The following RUVBL1 variants were observed in gnomAD, a reference collection of about 807,000 sequenced individuals.
RUVBL1 encodes the protein ruvB-like 1.
A neutral mutation model predicts 52.4 loss-of-function variants in RUVBL1; 4 were observed. The observed-to-expected ratio is 0.08, with a 90% CI of 0.04 to 0.17. The LOEUF (loss-of-function observed/expected upper bound fraction) is 0.17. RUVBL1 is among the 10% of genes least tolerant of loss of function. The probability of loss-of-function intolerance (pLI) is 1.00; values close to 1 mark genes in which losing one functional copy is unlikely to be tolerated. For synonymous variants in RUVBL1, 217 were observed against 214.4 expected (o/e 1.01, Z -0.10); for missense variants, 298 against 572.8 (o/e 0.52, Z 4.90).
chr3:128,092,939 T>TGCTTG (rs1174373714), intron 8 of RUVBL1, among the ~76,000 whole-genome samples: 2 of 151,996 alleles, frequency 1.3e-5, no homozygotes, highest in African/African-American at 4.8e-5. Flanking sequence ...TTTGGGAGGC[T>TGCTTG]GAGGCAGGAG....
exon 1 of RUVBL1, chr3:128,153,219 G>C: frequency 1.5e-6 from 2 of 1,321,894 alleles, no homozygotes; most frequent in Non-Finnish European, 1.9e-6. Flanking sequence ...AGTCCAAATG[G>C]CTTCACTTCT....
chr3:128,113,484 T>A (rs920460985), intron 2 of RUVBL1, among the ~76,000 whole-genome samples: 1 of 152,166 alleles, frequency 6.6e-6, no homozygotes, highest in Non-Finnish European at 1.5e-5. Flanking sequence ...GATACCAAAA[T>A]CCATGGATGT....
intron 3 of RUVBL1, among the ~76,000 whole-genome samples, chr3:128,108,148 A>C (rs1943292447): frequency 6.6e-6 from 1 of 152,222 alleles, no homozygotes; most frequent in Admixed American, 6.5e-5. Context: ...CATCACATCA[A>C]GGAAATAGCA....
At chr3:128,152,585 C>T (rs776657778) in intron 1 of RUVBL1, among the ~76,000 whole-genome samples, 35 of 152,246 alleles carry the variant, frequency 2.3e-4, no homozygotes, top group African/African-American at 7.2e-4. Context: ...GTAATATTAG[C>T]GGGCACTGTA....
Position 128,098,912 on chromosome 3 carries a change from G to C in RUVBL1, c.787C>G (p.Leu263Val), listed in dbSNP as rs1943052262. The C allele has an allele frequency of 6.2e-7, 1 of 1,614,016 alleles. No homozygotes were observed. The highest frequency in any genetic ancestry group is 1.3e-5 in the African/African-American group (1 of 75,020). ...GQDILSMMGQ[L>V]MKPKKTEITD... ...ATTTCTGTCTTCTTTGGCTTCATTA[G>C]CTGGCCCATCATGGACAGGATATCT... is the stretch of plus-strand genomic sequence containing the variant. The change falls in exon 7 of 11, where the codon CTA becomes GTA. Residue 263 changes from leucine to valine, a missense_variant. By Grantham distance (32) the Leu-to-Val change is conservative. Transcript: ENST00000322623.
At chr3:128,069,499 T>C in intron 9 of RUVBL1, 2 of 1,612,892 alleles carry the variant, frequency 1.2e-6, no homozygotes, top group South Asian at 1.1e-5. Flanking sequence ...GCCGCGGCCT[T>C]TGGTGGGCTG....
At chr3:128,091,502 A>G (rs1942839423) in intron 8 of RUVBL1, among the ~76,000 whole-genome samples, 1 of 152,246 alleles carries the variant, frequency 6.6e-6, no homozygotes, top group Non-Finnish European at 1.5e-5. Flanking sequence ...AAACTCGGCC[A>G]TTAGTGAGCT....
chr3:128,111,339 A>G (rs1943389704), intron 3 of RUVBL1, among the ~76,000 whole-genome samples: 2 of 152,098 alleles, frequency 1.3e-5, no homozygotes, highest in Non-Finnish European at 2.9e-5. Flanking sequence ...GTCTACAAAG[A>G]TAAGCACTGA....
chr3:128,131,235 T>C (rs1357003889), intron 1 of RUVBL1, among the ~76,000 whole-genome samples: 1 of 151,954 alleles, frequency 6.6e-6, no homozygotes, highest in African/African-American at 2.4e-5. Flanking sequence ...GGCATGGTGG[T>C]TCATACCTGT....
chr3:128,099,730 G>C (rs1017710011), intron 6 of RUVBL1, among the ~76,000 whole-genome samples: 1 of 152,206 alleles, frequency 6.6e-6, no homozygotes, highest in African/African-American at 2.4e-5. Flanking sequence ...ATAGCTAAAG[G>C]CAGCAAATGT....
At position 128,081,291 on chromosome 3, in the gene RUVBL1, C is replaced by T. The variant is rs766239636; in HGVS notation, c.1330G>A (p.Ala444Thr). The T allele has an allele frequency of 1.9e-6, 3 of 1,614,060 alleles. No homozygotes were observed. Among genetic ancestry groups the T allele is most frequent in the African/African-American group, 1.3e-5 (1 of 74,928 alleles). ...TCCTGCTGGTCAGCCAGGATTTTGG[C>T]GGAGGACTTGGCATCATAGAAAAGT... is the stretch of plus-strand genomic sequence containing the variant. Reference protein sequence around the residue: ...SELFYDAKSSAKILADQQDKY... With the variant: ...SELFYDAKSSTKILADQQDKY... Residue 444 changes from alanine to threonine, a missense_variant, in exon 11 of 11, where the codon GCC becomes ACC. By Grantham distance (58) the Ala-to-Thr change is moderately conservative. Transcript: ENST00000322623. The surrounding 1 kb of genome is among the most constrained non-coding windows in gnomAD (Gnocchi z 4.8).
Position 128,153,420 on chromosome 3 carries a change from G to T in RUVBL1, c.-257C>A, listed in dbSNP as rs902826260. 5.7e-5 allele frequency: 81 copies of T among 1,416,450 alleles called. No individual in the cohort carries two copies. The African/African-American group carries it at 1.1e-3, about 19-fold the overall frequency. 87.7% of individuals were successfully genotyped at this position (1,416,450 alleles called of 1,614,324 possible). On this transcript the variant is annotated 5_prime_UTR_variant, in exon 1 of 10. Transcript: ENST00000464873. ...CGGGTGTGCACAGCGCGCCGGTTAC[G>T]GGGGGGCAACTTAACGGGCCGGACC... is the stretch of plus-strand genomic sequence containing the variant.
chr3:128,101,461 A>T (rs531311991), intron 5 of RUVBL1, 98 bp downstream of exon 5: 2 of 1,110,888 alleles, frequency 1.8e-6, no homozygotes, highest in Admixed American at 3.7e-5. Flanking sequence ...CCCTCCCCAC[A>T]CACCCCACAC....
Position 128,087,519 on chromosome 3 carries a change from G to C in RUVBL1, c.1119+187C>G, listed in dbSNP as rs148969019. 3.9e-5 allele frequency among the ~76,000 whole-genome samples: 6 copies of C among 152,300 alleles called. 1 individual carries two copies. The highest frequency in any genetic ancestry group is 4.1e-4 in the South Asian group (2 of 4,822). ...TGACACTTGGGGCAATGTCTAGTTA[G>C]ACCAATCCATCTTTCAGATGGGGAG... On this transcript the variant is annotated intron_variant, in intron 9 of 10. Coordinates refer to ENST00000322623, the MANE Select transcript of RUVBL1 (RefSeq NM_003707.3).
At chr3:128,125,716 G>T (rs182919982), upstream of RUVBL1, among the ~76,000 whole-genome samples, 1 of 152,200 alleles carries the variant, frequency 6.6e-6, no homozygotes, top group Admixed American at 6.5e-5. Context: ...GCCAGGCCTT[G>T]GAAGGCTGAG....
chr3:128,113,023 A>G lies in RUVBL1; in HGVS notation c.229-3T>C. ...GCAATAGCCAGAGCCAGAGCTGTCT[A>G]CAAAAGAAAGCAACGGAAACACAGT... On this transcript the variant is annotated splice_region_variant and splice_polypyrimidine_tract_variant and intron_variant, in intron 2 of 10. Coordinates refer to ENST00000322623, the MANE Select transcript of RUVBL1 (RefSeq NM_003707.3). 1.2e-6 allele frequency: 2 copies of G among 1,613,274 alleles called. No homozygotes were observed. The highest frequency in any genetic ancestry group is 1.1e-5 in the South Asian group (1 of 90,940).
At chr3:128,147,308 G>C (rs925699109) in intron 1 of RUVBL1, among the ~76,000 whole-genome samples, 3 of 152,080 alleles carry the variant, frequency 2.0e-5, no homozygotes, top group Non-Finnish European at 4.4e-5. Context: ...GGGCTCAAAT[G>C]ATCTTCCCAC....
intron 2 of RUVBL1, among the ~76,000 whole-genome samples, chr3:128,113,543 A>G (rs1943445901): frequency 6.6e-6 from 1 of 152,230 alleles, no homozygotes; most frequent in African/African-American, 2.4e-5. Context: ...ACCTATGCAC[A>G]TCCTCCTGTT....
At chr3:128,069,447 C>T in intron 9 of RUVBL1, 1 of 1,600,006 alleles carries the variant, frequency 6.2e-7, no homozygotes, top group Middle Eastern at 1.8e-4. Context: ...CTGTGGGTGT[C>T]CAGGAGCTGA....
Sources: allele counts gnomAD v4.1 joint callset (sites outside exome capture counted in the v4.1 genomes callset), GRCh38; gene constraint gnomAD v4.1.1; non-coding constraint Gnocchi (gnomAD v3.1); transcripts MANE v1.5; gene names NCBI Gene and HGNC (gene_info 2026-07-23, HGNC 2026-07-21).